The following PRKN variants were observed in gnomAD, a reference collection of about 807,000 sequenced individuals.
The protein encoded by PRKN is E3 ubiquitin-protein ligase parkin.
Under a neutral mutation model 59.5 loss-of-function variants are expected in PRKN, and 56 were observed. That is an observed-to-expected ratio of 0.94 (90% CI 0.76 to 1.18). The LOEUF is 1.18. PRKN is among the 50% of genes most tolerant of loss of function. The pLI is 0.00. For synonymous variants in PRKN, 250 were observed against 222.1 expected, an observed-to-expected ratio of 1.13 and a Z score of -1.12; for missense variants, 657 against 596.4, an observed-to-expected ratio of 1.10 and a Z score of -1.06.
rs564562776 is a variant in PRKN at position 161,883,076 on chromosome 6, A to C, written c.734+90226T>G. On this transcript the variant is annotated intron_variant, in intron 6 of 11. Coordinates refer to ENST00000366898, the MANE Select transcript of PRKN (RefSeq NM_004562.3). ...CTCCAGGTAGGTATTTTTTCTTTAA[A>C]ACTTACCTTTACATATAGATAAAGA... Among the ~76,000 whole-genome samples the C allele has an allele frequency of 1.9e-3, 288 of 152,254 alleles. 1 individual carries two copies. The highest frequency in any genetic ancestry group is 6.8e-3 in the African/African-American group (283 of 41,570).
In PRKN at chr6:161,770,412, CCCCAGTT is replaced by C. The variant is rs140441342; in HGVS notation, c.871+15353_871+15359del. ...CCAAATTCATACATTGAAGTTCTAA[CCCCAGTT>C]CCTCAGGATGTGACTCTATTTGGCA... On this transcript the variant is annotated intron_variant, in intron 7 of 11. Transcript: ENST00000366898. 0.016 allele frequency among the ~76,000 whole-genome samples: 2,500 copies of C among 152,166 alleles called. 282 individuals are homozygous for C. In the East Asian group the frequency reaches 0.32, roughly 19 times the overall value.
chr6:161,899,839 C>T (rs1289598046), intron 6 of PRKN, among the ~76,000 whole-genome samples: 9 of 152,224 alleles, frequency 5.9e-5, no homozygotes, highest in Non-Finnish European at 8.8e-5. Context: ...TATGGACAAC[C>T]GGGCCGGGCC....
At chr6:162,166,943 C>A in intron 4 of PRKN, among the ~76,000 whole-genome samples, 1 of 152,208 alleles carries the variant, frequency 6.6e-6, no homozygotes, top group Non-Finnish European at 1.5e-5. Context: ...TTTCCCAACT[C>A]CTCAATGTAC....
intron 2 of PRKN, among the ~76,000 whole-genome samples, chr6:162,369,087 T>C (rs537826835): frequency 6.6e-6 from 1 of 152,324 alleles, no homozygotes; most frequent in East Asian, 1.9e-4. Context: ...AGCTTGTTGG[T>C]TGCAAAGGTG....
chr6:162,480,213 G>T (rs888622689), intron 1 of PRKN, among the ~76,000 whole-genome samples: 2 of 152,104 alleles, frequency 1.3e-5, no homozygotes, highest in East Asian at 3.9e-4. Context: ...TGACCCCAGG[G>T]TCACCACGCA....
intron 2 of PRKN, among the ~76,000 whole-genome samples, chr6:162,296,573 A>C (rs933901164): frequency 6.6e-6 from 1 of 152,048 alleles, no homozygotes; most frequent in Non-Finnish European, 1.5e-5. Context: ...ACAACTATCT[A>C]TCCATTCTTT....
At chr6:161,658,328 C>A (rs536346497) in intron 7 of PRKN, among the ~76,000 whole-genome samples, 2 of 152,220 alleles carry the variant, frequency 1.3e-5, no homozygotes, top group Non-Finnish European at 2.9e-5. Flanking sequence ...GATCGCATCA[C>A]CTTTCAATAA....
Position 162,727,700 on chromosome 6 carries a change from GAA to G in PRKN, c.-34_-33del. The G allele has an allele frequency of 6.4e-7, 1 of 1,564,928 alleles. No homozygotes were observed. The highest frequency in any genetic ancestry group is 1.2e-5 in the South Asian group (1 of 85,236). On this transcript the variant is annotated 5_prime_UTR_variant, in exon 1 of 12. The change creates a premature stop within an existing upstream ORF in the 5' untranslated region. Coordinates refer to ENST00000366898, the MANE Select transcript of PRKN (RefSeq NM_004562.3). ...TGGGTAGGTGGCGGCTGCGGGCCAGGAACAGGCCCATGCGCGCAGCGGCGCCA... is the reference window on the plus strand; with the variant it reads ...TGGGTAGGTGGCGGCTGCGGGCCAGGCAGGCCCATGCGCGCAGCGGCGCCA...
intron 10 of PRKN, among the ~76,000 whole-genome samples, chr6:161,381,043 G>A (rs1785960063): frequency 6.6e-6 from 1 of 152,104 alleles, no homozygotes; most frequent in African/African-American, 2.4e-5. Context: ...TTGTTGTTCT[G>A]TTTGTTTTAA....
At chr6:162,078,975 C>T (rs965366355) in intron 4 of PRKN, among the ~76,000 whole-genome samples, 10 of 152,228 alleles carry the variant, frequency 6.6e-5, no homozygotes, top group Non-Finnish European at 8.8e-5. Context: ...CAAAGTCTTA[C>T]GTGACTCAAA....
At chr6:162,185,048 G>T (rs9458476) in intron 4 of PRKN, among the ~76,000 whole-genome samples, 11,780 of 152,070 alleles carry the variant, frequency 0.077, 821 homozygotes, top group African/African-American at 0.18. Flanking sequence ...AAAGACAAAA[G>T]TGGCATCGTT....
At chr6:162,711,054 G>A (rs987896625) in intron 1 of PRKN, among the ~76,000 whole-genome samples, 4 of 152,184 alleles carry the variant, frequency 2.6e-5, no homozygotes, top group African/African-American at 2.4e-5. Flanking sequence ...TTCCCATCAC[G>A]GATGGCCTGG....
intron 1 of PRKN, among the ~76,000 whole-genome samples, chr6:162,448,979 G>A (rs1177706435): frequency 2.7e-5 from 4 of 150,938 alleles, no homozygotes; most frequent in Non-Finnish European, 4.4e-5. Flanking sequence ...CCTCCGCCTC[G>A]CAGGTTCAAG....
intron 7 of PRKN, among the ~76,000 whole-genome samples, chr6:161,702,562 G>A (rs1786298168): frequency 6.6e-6 from 1 of 152,034 alleles, no homozygotes; most frequent in African/African-American, 2.4e-5. Flanking sequence ...GAGGGGAATT[G>A]GTGTCTAATG....
chr6:161,756,752 T>G (rs1484364714), intron 7 of PRKN, among the ~76,000 whole-genome samples: 4 of 152,066 alleles, frequency 2.6e-5, no homozygotes, highest in Admixed American at 2.0e-4. Flanking sequence ...CTCTGAGTCA[T>G]AAGATAATAA....
rs75625102 is a variant in PRKN, at chr6:161,927,301, C to G, written c.734+46001G>C. ...GAACTACGAAGGAGCTTAATCAAAACCGTGAATACATCACTACGTCTTACA... is the reference window on the plus strand; with the variant it reads ...GAACTACGAAGGAGCTTAATCAAAAGCGTGAATACATCACTACGTCTTACA... On this transcript the variant is annotated intron_variant, in intron 6 of 11. Coordinates refer to ENST00000366898, the MANE Select transcript of PRKN (RefSeq NM_004562.3). 4.1e-3 allele frequency among the ~76,000 whole-genome samples: 629 copies of G among 152,286 alleles called. 5 individuals are homozygous for G. Among genetic ancestry groups the G allele is most frequent in the African/African-American group, 0.014 (587 of 41,560 alleles).
At chr6:161,776,598 C>T (rs1157572825) in intron 7 of PRKN, among the ~76,000 whole-genome samples, 5 of 152,150 alleles carry the variant, frequency 3.3e-5, no homozygotes, top group Admixed American at 6.5e-5. Flanking sequence ...AATATTTAAA[C>T]GTGGGAACTT....
At chr6:162,384,696 T>G (rs1047746763) in intron 2 of PRKN, among the ~76,000 whole-genome samples, 3 of 148,258 alleles carry the variant, frequency 2.0e-5, no homozygotes, top group African/African-American at 7.5e-5. Context: ...CTGCAAAGCA[T>G]GCTAAAGGGA....
intron 1 of PRKN, among the ~76,000 whole-genome samples, chr6:162,452,049 G>C (rs1258292936): frequency 6.6e-6 from 1 of 152,042 alleles, no homozygotes; most frequent in East Asian, 1.9e-4. Context: ...GTTAACTTCT[G>C]GTCAGAAACA....
Sources: gnomAD v4.1 joint callset for allele counts (sites outside exome capture counted in the v4.1 genomes callset) on GRCh38, gnomAD v4.1.1 for gene constraint, MANE v1.5 for transcripts, NCBI Gene and HGNC (gene_info 2026-07-23, HGNC 2026-07-21) for gene names.